CCDC141: variants seen among roughly 807,000 people sequenced by gnomAD.
CCDC141 encodes coiled-coil domain-containing protein 141.
A neutral mutation model predicts 181.0 loss-of-function variants in CCDC141; 168 were observed. That is an observed-to-expected ratio of 0.93 (90% CI 0.82 to 1.05). The LOEUF (loss-of-function observed/expected upper bound fraction) is 1.05. CCDC141 is among the 50% of genes least tolerant of loss of function. The probability of loss-of-function intolerance (pLI) is 0.00; values close to 1 mark genes in which losing one functional copy is unlikely to be tolerated. For synonymous variants in CCDC141, 666 were observed against 642.3 expected (o/e 1.04, Z -0.56); for missense variants, 1,902 against 1,788.5 (o/e 1.06, Z -1.14).
chr2:179,039,025 G>A lies in CCDC141; in HGVS notation c.225+8259C>T, dbSNP rs546283065. On this transcript the variant is annotated intron_variant, in intron 2 of 23. Coordinates refer to ENST00000443758, the MANE Select transcript of CCDC141 (RefSeq NM_173648.4). ...GGATGTAATGTCAATAGTAGCCACA[G>A]GCAGATCTTCTTTACCTGGCTTAAA... Among the ~76,000 whole-genome samples, 136 of 152,232 alleles carry A rather than the reference G, an allele frequency of 8.9e-4. 1 individual carries two copies. The highest frequency in any genetic ancestry group is 3.0e-3 in the African/African-American group (123 of 41,556).
intron 2 of CCDC141, among the ~76,000 whole-genome samples, chr2:178,992,899 C>T (rs184909342): frequency 5.9e-5 from 9 of 152,164 alleles, no homozygotes; most frequent in Admixed American, 1.3e-4. Context: ...CCCTTTTTGT[C>T]GGCACTTCTC....
chr2:178,971,887 G>GACACAGGGAGGGGAACATCAC (rs1293041089), intron 4 of CCDC141, among the ~76,000 whole-genome samples: 1 of 152,010 alleles, frequency 6.6e-6, no homozygotes, highest in Non-Finnish European at 1.5e-5. Context: ...AGAACACATG[G>GACACAGGGAGGGGAACATCAC]ACACAGGGAG....
At chr2:179,042,751 C>T (rs62175995) in intron 2 of CCDC141, among the ~76,000 whole-genome samples, 19,021 of 152,020 alleles carry the variant, frequency 0.13, 1,307 homozygotes, top group Middle Eastern at 0.2. Context: ...ACTAAAATGC[C>T]GACATCATAA....
chr2:178,922,935 A>C (rs7562041), intron 6 of CCDC141, among the ~76,000 whole-genome samples: 25,582 of 152,112 alleles, frequency 0.17, 3,303 homozygotes, highest in Admixed American at 0.32. Context: ...GTGGGTATTA[A>C]ATGAAGCTGG....
intron 2 of CCDC141, among the ~76,000 whole-genome samples, chr2:179,025,246 T>C (rs1218279350): frequency 3.3e-5 from 5 of 152,146 alleles, no homozygotes. Flanking sequence ...AGGTAATTTT[T>C]TGATCTTCAC....
intron 8 of CCDC141, among the ~76,000 whole-genome samples, chr2:178,888,983 C>T (rs965268154): frequency 1.3e-5 from 2 of 152,020 alleles, no homozygotes; most frequent in African/African-American, 4.8e-5. Flanking sequence ...GTATGTTTAC[C>T]ACGACTTTTC....
intron 6 of CCDC141, among the ~76,000 whole-genome samples, chr2:178,942,232 T>C (rs1689553896): frequency 6.6e-6 from 1 of 152,244 alleles, no homozygotes; most frequent in South Asian, 2.1e-4. Flanking sequence ...CTGAGTAGCA[T>C]GCAACACACC....
At chr2:179,006,616 G>GAA (rs994630142) in intron 2 of CCDC141, among the ~76,000 whole-genome samples, 1 of 152,152 alleles carries the variant, frequency 6.6e-6, no homozygotes, top group African/African-American at 2.4e-5. Flanking sequence ...CTTTGCATGT[G>GAA]AAATGTTTAA....
intron 2 of CCDC141, among the ~76,000 whole-genome samples, chr2:179,005,376 T>C (rs1457847735): frequency 6.6e-6 from 1 of 152,166 alleles, no homozygotes; most frequent in African/African-American, 2.4e-5. Flanking sequence ...TAAATAGTTT[T>C]AAAATACGTT....
At chr2:178,960,145 T>C (rs1352761914) in intron 5 of CCDC141, among the ~76,000 whole-genome samples, 1 of 152,136 alleles carries the variant, frequency 6.6e-6, no homozygotes, top group African/African-American at 2.4e-5. Context: ...AGGAATTACT[T>C]AGCACCAAAT....
chr2:178,860,537 AC>A (rs1410940518), intron 17 of CCDC141, among the ~76,000 whole-genome samples: 7 of 141,102 alleles, frequency 5.0e-5, no homozygotes, highest in Admixed American at 2.2e-4. Flanking sequence ...AAAAAAAAAA[AC>A]AACACTTTTT....
intron 2 of CCDC141, among the ~76,000 whole-genome samples, chr2:179,015,103 TAATATATATATA>T (rs2042415287): frequency 1.4e-4 from 4 of 28,202 alleles, no homozygotes; most frequent in Non-Finnish European, 2.9e-4. Flanking sequence ...TATATATATA[TAATATATATATA>T]ATCATATATA....
At chr2:178,913,330 G>A (rs1039764345) in intron 7 of CCDC141, among the ~76,000 whole-genome samples, 32 of 152,118 alleles carry the variant, frequency 2.1e-4, no homozygotes, top group Admixed American at 1.8e-3. Flanking sequence ...ATAACATTTA[G>A]CCTATTACTT....
intron 4 of CCDC141, among the ~76,000 whole-genome samples, chr2:178,965,914 G>C (rs1559012950): frequency 6.6e-6 from 1 of 152,096 alleles, no homozygotes; most frequent in Non-Finnish European, 1.5e-5. Context: ...AGATCGACCC[G>C]GTACGTTCCA....
intron 1 of CCDC141, among the ~76,000 whole-genome samples, chr2:179,048,215 A>G (rs340338): frequency 0.84 from 127,834 of 152,214 alleles, 54,035 homozygotes; most frequent in East Asian, 0.94. Flanking sequence ...AGAAAAATGT[A>G]TTTCTATTTT....
intron 8 of CCDC141, among the ~76,000 whole-genome samples, chr2:178,900,703 C>T (rs1687644053): frequency 6.6e-6 from 1 of 152,116 alleles, no homozygotes; most frequent in African/African-American, 2.4e-5. Context: ...CTGATTAGAA[C>T]AAACAGGATA....
At chr2:179,028,598 T>C (rs1168689392) in intron 2 of CCDC141, among the ~76,000 whole-genome samples, 2 of 152,188 alleles carry the variant, frequency 1.3e-5, no homozygotes, top group Non-Finnish European at 2.9e-5. Flanking sequence ...ATAATACCAG[T>C]GGGATATCTG....
At chr2:178,838,959 C>T (rs1171899285) in intron 22 of CCDC141, among the ~76,000 whole-genome samples, 1 of 152,226 alleles carries the variant, frequency 6.6e-6, no homozygotes. Context: ...TATCTCCTTT[C>T]TGTGCCGTTC....
intron 11 of CCDC141, among the ~76,000 whole-genome samples, chr2:178,881,652 G>C (rs1686612359): frequency 6.6e-6 from 1 of 152,028 alleles, no homozygotes; most frequent in Non-Finnish European, 1.5e-5. Context: ...AGCAAGTAGA[G>C]GTGAGGAATA....
Sources: allele counts gnomAD v4.1 joint callset (sites outside exome capture counted in the v4.1 genomes callset), GRCh38; gene constraint gnomAD v4.1.1; transcripts MANE v1.5; gene names NCBI Gene and HGNC (gene_info 2026-07-23, HGNC 2026-07-21).